Variants in GPR83 observed in about 807,000 individuals in gnomAD.
GPR83 encodes G-protein coupled receptor 72.
GPR83 carries 23 observed loss-of-function variants against 28.0 expected under a neutral mutation model. That is an observed-to-expected ratio of 0.82 (90% confidence interval 0.59 to 1.16). GPR83 has a LOEUF of 1.16. Among genes scored for constraint, GPR83 ranks in the 50% most tolerant of loss-of-function variants. The pLI is 0.00. For synonymous variants in GPR83, 234 were observed against 215.4 expected, an observed-to-expected ratio of 1.09 and a Z score of -0.76; for missense variants, 610 against 536.6, an observed-to-expected ratio of 1.14 and a Z score of -1.35.
chr11:94,398,933 GGGT>G (rs1256160692), intron 1 of GPR83, among the ~76,000 whole-genome samples: 2 of 152,178 alleles, frequency 1.3e-5, no homozygotes, highest in Non-Finnish European at 2.9e-5. Context: ...ATACTGGAGG[GGGT>G]GCTGGGCTCT....
chr11:94,398,442 G>A (rs1358452897), intron 1 of GPR83, among the ~76,000 whole-genome samples: 1 of 152,074 alleles, frequency 6.6e-6, no homozygotes, highest in Admixed American at 6.5e-5. Context: ...CGATGCCTTT[G>A]TTCTCCCTGG....
intron 1 of GPR83, 21 bp from the exon 2 acceptor site, chr11:94,396,545 G>C: frequency 6.2e-7 from 1 of 1,611,074 alleles, no homozygotes; most frequent in Non-Finnish European, 8.5e-7. Context: ...GCCCAAAGAT[G>C]TTAGGAGACA....
intron 2 of GPR83, among the ~76,000 whole-genome samples, chr11:94,394,739 C>A (rs1430822882): frequency 2.6e-5 from 4 of 152,166 alleles, no homozygotes; most frequent in African/African-American, 4.8e-5. Flanking sequence ...GCCCCTCATA[C>A]TCTTGTGTTC....
At chr11:94,392,237 A>G (rs779516770) in intron 3 of GPR83, among the ~76,000 whole-genome samples, 3 of 151,976 alleles carry the variant, frequency 2.0e-5, no homozygotes, top group African/African-American at 7.3e-5. Flanking sequence ...AAAACCAAAC[A>G]CCACATATTC....
chr11:94,384,678 G>A (rs1042382255), intron 3 of GPR83, among the ~76,000 whole-genome samples: 3 of 152,226 alleles, frequency 2.0e-5, no homozygotes, highest in African/African-American at 7.2e-5. Context: ...GCTGAGGCTT[G>A]AGTAGGTAAA....
In GPR83 at chr11:94,377,727, G is replaced by T. The variant is rs1165608296; in HGVS notation, c.*2422C>A. The T allele has an allele frequency of 6.6e-6, 1 of 152,184 alleles. No individual in the cohort carries two copies. Among genetic ancestry groups the T allele is most frequent in the Admixed American group, 6.5e-5 (1 of 15,276 alleles). The allele number at this position is 152,184 out of a possible 1,614,324, so 9.4% of individuals were successfully genotyped here. On this transcript the variant is annotated 3_prime_UTR_variant, in exon 4 of 4. Transcript: ENST00000243673. ...TTAGAAGATAGGCTTTGTGTTAAAT[G>T]ATTTTTCCCAGCTGTAGGCTAATAT...
intron 3 of GPR83, among the ~76,000 whole-genome samples, chr11:94,385,268 G>A (rs1944740810): frequency 1.3e-5 from 2 of 152,236 alleles, no homozygotes; most frequent in African/African-American, 4.8e-5. Context: ...GAGAAAAACT[G>A]AAAATTCTAA....
At chr11:94,400,291 A>AT (rs1489865258) in intron 1 of GPR83, among the ~76,000 whole-genome samples, 2 of 152,046 alleles carry the variant, frequency 1.3e-5, no homozygotes, top group African/African-American at 4.8e-5. Context: ...ATGGTCATTC[A>AT]TTTCCAGCTG....
intron 3 of GPR83, among the ~76,000 whole-genome samples, chr11:94,386,745 A>T (rs1044587864): frequency 2.0e-5 from 3 of 152,184 alleles, no homozygotes; most frequent in African/African-American, 7.2e-5. Flanking sequence ...TTAACACCAC[A>T]TTGTCAACAT....
intron 3 of GPR83, among the ~76,000 whole-genome samples, chr11:94,388,389 G>C (rs1033542278): frequency 6.6e-6 from 1 of 152,156 alleles, no homozygotes; most frequent in African/African-American, 2.4e-5. Context: ...AATTGTCCCT[G>C]TTTGCAGATG....
intron 3 of GPR83, among the ~76,000 whole-genome samples, chr11:94,387,644 T>C (rs1944773922): frequency 6.6e-6 from 1 of 152,138 alleles, no homozygotes; most frequent in Admixed American, 6.5e-5. Flanking sequence ...GTTGAATCTC[T>C]GAATAGACCA....
chr11:94,400,319 C>A (rs1350245011), intron 1 of GPR83, among the ~76,000 whole-genome samples: 1 of 151,928 alleles, frequency 6.6e-6, no homozygotes, highest in Non-Finnish European at 1.5e-5. Context: ...ACACTCAAAC[C>A]ATTGACCCAA....
At chr11:94,390,586 C>A (rs953314528) in intron 3 of GPR83, among the ~76,000 whole-genome samples, 1 of 152,128 alleles carries the variant, frequency 6.6e-6, no homozygotes, top group Non-Finnish European at 1.5e-5. Context: ...ATTGTCTCAG[C>A]CCAAAATCTC....
At chr11:94,396,924 T>TA (rs1944872433) in intron 1 of GPR83, among the ~76,000 whole-genome samples, 1 of 151,810 alleles carries the variant, frequency 6.6e-6, no homozygotes, top group Admixed American at 6.6e-5. Context: ...GTATAAGGTT[T>TA]AAATTTTTTA....
At position 94,380,730 on chromosome 11, in the gene GPR83, G is replaced by C. The variant is rs1428796574; in HGVS notation, c.691C>G (p.Pro231Ala). ...RSLCLPDFPEPADLFWKYLDL... is the reference protein window; with the variant it reads ...RSLCLPDFPEAADLFWKYLDL... ...AGGTACTTCCAGAAGAGGTCAGCTG[G>C]CTCAGGGAAGTCTGGCAGGCAGAGG... The change falls in exon 4 of 4, where the codon CCA becomes GCA. Residue 231 changes from proline (P) to alanine (A), a missense_variant. Physicochemically the swap from Pro to Ala is conservative, Grantham distance 27. Coordinates refer to ENST00000243673, the MANE Select transcript of GPR83 (RefSeq NM_016540.4). 6.2e-7 allele frequency: 1 copy of C among 1,612,352 alleles called. No homozygotes were observed. The highest frequency in any genetic ancestry group is 8.5e-7 in the Non-Finnish European group (1 of 1,179,822).
intron 3 of GPR83, among the ~76,000 whole-genome samples, chr11:94,384,946 C>A (rs1400267802): frequency 6.6e-6 from 1 of 152,182 alleles, no homozygotes; most frequent in South Asian, 2.1e-4. Context: ...GAGGCAACCC[C>A]CAGGAGGGGC....
In GPR83 at chr11:94,380,121, C is replaced by T. The variant is rs751590202; in HGVS notation, c.*28G>A. On this transcript the variant is annotated 3_prime_UTR_variant, in exon 4 of 4. Coordinates refer to ENST00000243673, the MANE Select transcript of GPR83 (RefSeq NM_016540.4). ...TTCCCTGCCTCAGGTGGAGACAGAC[C>T]CCTCCCACTCCCTCTTCCCAACCTC... is the stretch of plus-strand genomic sequence containing the variant. 7.4e-6 allele frequency: 11 copies of T among 1,491,592 alleles called. No individual in the cohort carries two copies. The highest frequency in any genetic ancestry group is 9.8e-6 in the Non-Finnish European group (11 of 1,118,014). 92.4% of individuals were successfully genotyped at this position (1,491,592 alleles called of 1,614,324 possible).
intron 1 of GPR83, among the ~76,000 whole-genome samples, chr11:94,397,927 G>T (rs1458599896): frequency 2.0e-5 from 3 of 152,188 alleles, no homozygotes; most frequent in African/African-American, 7.2e-5. Flanking sequence ...TACTTTCTTT[G>T]CAGAGGACAG....
In GPR83 at chr11:94,380,543, A is replaced by C. The variant is rs772855343; in HGVS notation, c.878T>G (p.Met293Arg). The change falls in exon 4 of 4, where the codon ATG becomes AGG. Residue 293 changes from methionine to arginine, a missense_variant. Met to Arg is a moderately conservative substitution (Grantham distance 91, BLOSUM62 -1). Coordinates refer to ENST00000243673, the MANE Select transcript of GPR83 (RefSeq NM_016540.4). Reference protein sequence around the residue: ...LRRKKKKTIKMLMLVVVLFAL... With the variant: ...LRRKKKKTIKRLMLVVVLFAL... ...AAAGAGGACTACCACCAGCATCAACATCTTGATGGTCTTCTTCTTTTTGCG... is the reference window on the plus strand; with the variant it reads ...AAAGAGGACTACCACCAGCATCAACCTCTTGATGGTCTTCTTCTTTTTGCG... 6.2e-7 allele frequency: 1 copy of C among 1,614,222 alleles called. No individual in the cohort carries two copies. The highest frequency in any genetic ancestry group is 8.5e-7 in the Non-Finnish European group (1 of 1,180,038).
Sources: gnomAD v4.1 joint callset for allele counts (sites outside exome capture counted in the v4.1 genomes callset) on GRCh38, gnomAD v4.1.1 for gene constraint, MANE v1.5 for transcripts, NCBI Gene and HGNC (gene_info 2026-07-23, HGNC 2026-07-21) for gene names.